Variants in SAMD3 observed in about 807,000 individuals in gnomAD.
The protein encoded by SAMD3 is sterile alpha motif domain containing 3.
In SAMD3, 63 loss-of-function variants were observed where a neutral mutation model predicts 58.5. The ratio of observed to expected loss-of-function variants is 1.08; its 90% confidence interval spans 0.88 to 1.33. SAMD3 has a LOEUF of 1.33. SAMD3 is among the 40% of genes most tolerant of loss of function. The pLI is 0.00. For synonymous variants in SAMD3, 220 were observed against 210.3 expected (o/e 1.05, Z -0.40); for missense variants, 604 against 608.4 (o/e 0.99, Z 0.08).
At chr6:130,184,782 T>G in intron 5 of SAMD3, 159 bp from the exon 6 acceptor site, 1 of 589,976 alleles carries the variant, frequency 1.7e-6, no homozygotes, top group East Asian at 2.8e-5. Context: ...CATCCACAAA[T>G]GTTTGAAGGC....
At chr6:130,252,452 TTTAA>T (rs1315817209) in intron 2 of SAMD3, among the ~76,000 whole-genome samples, 2 of 152,176 alleles carry the variant, frequency 1.3e-5, no homozygotes, top group Non-Finnish European at 1.5e-5. Context: ...AAAACTTTAG[TTTAA>T]TTACAGAGAG....
intron 2 of SAMD3, among the ~76,000 whole-genome samples, chr6:130,289,809 ATT>A (rs1171117598): frequency 4.6e-5 from 7 of 152,156 alleles, no homozygotes. Context: ...CCAAGAAAAG[ATT>A]TTTAAACCAT....
intron 2 of SAMD3, among the ~76,000 whole-genome samples, chr6:130,264,682 C>T (rs1373914965): frequency 1.3e-5 from 2 of 152,162 alleles, no homozygotes; most frequent in Non-Finnish European, 2.9e-5. Context: ...CAAATAGCTA[C>T]AGGATTTAAG....
In SAMD3 at chr6:130,175,840, C is replaced by G; in HGVS notation, c.822+1G>C. ...CAGAACATTTAGGAATTCAATCTTA[C>G]TTTTATCTGGACAAGTTTAATTTCA... On this transcript the variant is annotated splice_donor_variant, in intron 8 of 11. Coordinates refer to ENST00000439090, the MANE Select transcript of SAMD3 (RefSeq NM_001017373.4). LOFTEE classifies it high-confidence loss of function. 6.2e-7 allele frequency: 1 copy of G among 1,603,144 alleles called. No individual in the cohort carries two copies. Among genetic ancestry groups the G allele is most frequent in the Non-Finnish European group, 8.5e-7 (1 of 1,171,816 alleles).
intron 2 of SAMD3, among the ~76,000 whole-genome samples, chr6:130,231,147 CTT>C (rs1383709745): frequency 1.3e-5 from 2 of 151,986 alleles, no homozygotes; most frequent in Non-Finnish European, 2.9e-5. Context: ...ATATTTAAAT[CTT>C]ATATATTTTA....
rs184286684 is a variant in SAMD3, at chr6:130,153,679, T to C, written c.1023+1146A>G. Among the ~76,000 whole-genome samples the C allele has an allele frequency of 1.9e-3, 283 of 146,912 alleles. 3 individuals are homozygous for C. Among genetic ancestry groups the C allele is most frequent in the Middle Eastern group, 7.3e-3 (2 of 274 alleles). ...ATATATATATATTTATTTATTTATT[T>C]ATTTTTTAAAATTTGAGACAGGGTC... On this transcript the variant is annotated intron_variant, in intron 9 of 11. Transcript: ENST00000439090.
chr6:130,153,824 G>A (rs751279693), intron 9 of SAMD3, among the ~76,000 whole-genome samples: 8 of 151,584 alleles, frequency 5.3e-5, no homozygotes, highest in Non-Finnish European at 7.4e-5. Flanking sequence ...CTACAGGCAC[G>A]CACCACTAAG....
rs35592601 is a variant in SAMD3 at position 130,186,767 on chromosome 6, A to ATTTT, written c.384-2148_384-2145dup. Among the ~76,000 whole-genome samples, 780 of 106,938 alleles carry ATTTT rather than the reference A, an allele frequency of 7.3e-3. 19 individuals carry two copies. The highest frequency in any genetic ancestry group is 8.8e-3 in the African/African-American group (232 of 26,484). 70.2% of individuals were successfully genotyped at this position (106,938 alleles called of 152,430 possible). On this transcript the variant is annotated intron_variant, in intron 5 of 11. Transcript: ENST00000439090. The stretch of plus-strand genomic sequence containing the variant: ...TGGATGTCTTTTGTGCCTTCCTGGG[A>ATTTT]TTTTTTTTTTTTTTTTTTTTTGAGA...
At chr6:130,234,311 A>T (rs1796624266) in intron 2 of SAMD3, among the ~76,000 whole-genome samples, 1 of 152,082 alleles carries the variant, frequency 6.6e-6, no homozygotes, top group Admixed American at 6.6e-5. Context: ...GCTGGAGTGC[A>T]ATTATTTATT....
intron 2 of SAMD3, among the ~76,000 whole-genome samples, chr6:130,257,304 T>C (rs569930686): frequency 6.6e-6 from 1 of 152,286 alleles, no homozygotes; most frequent in Non-Finnish European, 1.5e-5. Flanking sequence ...AAATTCTGTT[T>C]TTAAGTTACC....
intron 1 of SAMD3, among the ~76,000 whole-genome samples, chr6:130,356,313 A>C (rs1777824802): frequency 6.6e-6 from 1 of 152,106 alleles, no homozygotes; most frequent in South Asian, 2.1e-4. Context: ...GAGTTTCTGC[A>C]TTTGCCTTTT....
chr6:130,202,811 G>T (rs1794760683), intron 5 of SAMD3, among the ~76,000 whole-genome samples: 1 of 152,148 alleles, frequency 6.6e-6, no homozygotes, highest in African/African-American at 2.4e-5. Context: ...GGTACAAAAT[G>T]ATGGGATCTT....
At chr6:130,340,581 G>A (rs571977041) in intron 1 of SAMD3, among the ~76,000 whole-genome samples, 33 of 152,304 alleles carry the variant, frequency 2.2e-4, no homozygotes, top group African/African-American at 7.5e-4. Flanking sequence ...GGACATCTTT[G>A]AGGAGCCATT....
At chr6:130,154,162 T>TATGTCCA (rs1789511499) in intron 9 of SAMD3, among the ~76,000 whole-genome samples, 1 of 151,660 alleles carries the variant, frequency 6.6e-6, no homozygotes, top group Non-Finnish European at 1.5e-5. Flanking sequence ...CCCTCCACAA[T>TATGTCCA]ATGTCCAATG....
intron 7 of SAMD3, among the ~76,000 whole-genome samples, chr6:130,178,293 G>T (rs1317134614): frequency 2.6e-5 from 4 of 151,036 alleles, no homozygotes; most frequent in Non-Finnish European, 2.9e-5. Flanking sequence ...AACCCTTCTT[G>T]AAGACAGTGC....
intron 7 of SAMD3, chr6:130,183,241 C>T (rs1488150336): frequency 2.5e-6 from 1 of 403,502 alleles, no homozygotes; most frequent in Non-Finnish European, 4.7e-6. Flanking sequence ...GAACTGCTGC[C>T]CCAGAGAATT....
intron 8 of SAMD3, among the ~76,000 whole-genome samples, chr6:130,169,675 G>A (rs1191507220): frequency 1.3e-5 from 2 of 152,154 alleles, no homozygotes; most frequent in Non-Finnish European, 2.9e-5. Flanking sequence ...AGCATGTCTT[G>A]GGGGCTAGAA....
chr6:130,184,516 T>G lies in SAMD3; in HGVS notation c.491A>C (p.Lys164Thr). The G allele has an allele frequency of 1.2e-6, 2 of 1,614,218 alleles. No homozygotes were observed. The highest frequency in any genetic ancestry group is 1.7e-6 in the Non-Finnish European group (2 of 1,180,012). ...YDVKCMLAEQKCPDHSMRIRI... is the reference protein window; with the variant it reads ...YDVKCMLAEQTCPDHSMRIRI... ...TATCCTCATGCTGTGATCCGGGCAC[T>G]TCTGCTCTGCTAACATGCATTTGAC... Residue 164 changes from lysine to threonine, a missense_variant, in exon 6 of 12, where the codon AAG (lysine) becomes ACG (threonine). By Grantham distance (78) the Lys-to-Thr change is moderately conservative. Coordinates refer to ENST00000439090, the MANE Select transcript of SAMD3 (RefSeq NM_001017373.4).
At chr6:130,216,883 G>A (rs190650585) in intron 1 of SAMD3, among the ~76,000 whole-genome samples, 2 of 152,206 alleles carry the variant, frequency 1.3e-5, no homozygotes, top group African/African-American at 4.8e-5. Context: ...GCTTCCTTGC[G>A]AAGATTAGGA....
Sources: gnomAD v4.1 joint callset for allele counts (sites outside exome capture counted in the v4.1 genomes callset) on GRCh38, gnomAD v4.1.1 for gene constraint, MANE v1.5 for transcripts, NCBI Gene and HGNC (gene_info 2026-07-23, HGNC 2026-07-21) for gene names.